The following GRM2 variants were observed in gnomAD, a reference collection of about 807,000 sequenced individuals.
GRM2 encodes metabotropic glutamate receptor 2.
Under a neutral mutation model 60.4 loss-of-function variants are expected in GRM2, and 35 were observed. That is an observed-to-expected ratio of 0.58 (90% CI 0.44 to 0.77). The LOEUF (loss-of-function observed/expected upper bound fraction) is 0.77, where lower values mean the gene tolerates loss of function less well. GRM2 is among the 30% of genes least tolerant of loss of function. GRM2 has a pLI of 0.00. For synonymous variants in GRM2, 437 were observed against 484.1 expected, an observed-to-expected ratio of 0.90 and a Z score of 1.28; for missense variants, 925 against 1,199.5, an observed-to-expected ratio of 0.77 and a Z score of 3.38.
intron 3 of GRM2, chr3:51,714,014 C>G: frequency 2.2e-6 from 1 of 453,310 alleles, no homozygotes; most frequent in Non-Finnish European, 4.4e-6. Context: ...AGAGTGCCAG[C>G]TTTAAGAGAA....
At chr3:51,711,951 A>G (rs775832431) in intron 2 of GRM2, among the ~76,000 whole-genome samples, 32 of 152,228 alleles carry the variant, frequency 2.1e-4, no homozygotes, top group African/African-American at 4.8e-5. Flanking sequence ...CAGGCATTCA[A>G]TGGAGACCAA....
intron 2 of GRM2, among the ~76,000 whole-genome samples, chr3:51,710,820 C>T (rs1019600186): frequency 1.8e-4 from 27 of 152,186 alleles, no homozygotes; most frequent in African/African-American, 6.5e-4. Flanking sequence ...AGGGCTGTGC[C>T]CAGCTGCGAT....
chr3:51,718,157 G>T lies in GRM2; in HGVS notation c.*45G>T. 1 of 1,516,212 alleles carries T rather than the reference G, an allele frequency of 6.6e-7. No individual in the cohort carries two copies. The highest frequency in any genetic ancestry group is 9.2e-7 in the Non-Finnish European group (1 of 1,090,556). The allele number at this position is 1,516,212 out of a possible 1,614,324, so 93.9% of individuals were successfully genotyped here. A position where few individuals can be genotyped will look rare whatever the true frequency, so the allele number is the denominator to read the frequency against. ...TGACACAGCTGCTCCTGGGAACCTA[G>T]TGCAGACCCACGTCCAGGGCCAGGA... On this transcript the variant is annotated 3_prime_UTR_variant, in exon 6 of 6. Transcript: ENST00000395052. This position sits in a 1 kb window ranked among gnomAD's most constrained non-coding sequence, Gnocchi z 4.2.
At position 51,717,851 on chromosome 3, in the gene GRM2, C is replaced by A. The variant is rs1460795166; in HGVS notation, c.2545+34C>A. Reference sequence around the variant, plus strand: ...CCTAAGCAGCCCTCTCTGCCTGTTCCCCTCTCCCTGTCCAGCTCCTTGGGT... The same window carrying A: ...CCTAAGCAGCCCTCTCTGCCTGTTCACCTCTCCCTGTCCAGCTCCTTGGGT... On this transcript the variant is annotated intron_variant, in intron 5 of 5. Transcript: ENST00000395052. This position sits in a 1 kb window ranked among gnomAD's most constrained non-coding sequence, Gnocchi z 6.0. 3.1e-6 allele frequency: 5 copies of A among 1,594,514 alleles called. No homozygotes were observed. The highest frequency in any genetic ancestry group is 4.3e-6 in the Non-Finnish European group (5 of 1,163,206).
chr3:51,717,205 GCA>G lies in GRM2; in HGVS notation c.2365-423_2365-422del, dbSNP rs1375125982. ...ATATCCCACATACACACACTCGCTG[GCA>G]CACACACATATATCTTCCTGACAAA... On this transcript the variant is annotated intron_variant, in intron 4 of 5. Transcript: ENST00000395052. The surrounding 1 kb of genome is among the most constrained non-coding windows in gnomAD (Gnocchi z 6.0). Among the ~76,000 whole-genome samples the G allele has an allele frequency of 6.6e-6, 1 of 151,488 alleles. No individual in the cohort carries two copies. Among genetic ancestry groups the G allele is most frequent in the African/African-American group, 2.4e-5 (1 of 41,200 alleles).
intron 2 of GRM2, among the ~76,000 whole-genome samples, chr3:51,709,694 C>CT (rs113014203): frequency 2.3e-4 from 3 of 13,132 alleles, no homozygotes; most frequent in Admixed American, 6.7e-4. Context: ...ACCCCACACA[C>CT]CCTCACACAC....
chr3:51,709,123 CAGAGG>C lies in GRM2; in HGVS notation c.142_146del (p.Glu48LeufsTer6). The C allele has an allele frequency of 6.2e-7, 1 of 1,612,338 alleles. No individual in the cohort carries two copies. Among genetic ancestry groups the C allele is most frequent in the Non-Finnish European group, 8.5e-7 (1 of 1,179,296 alleles). On this transcript the variant is annotated frameshift_variant, in exon 2 of 6. Coordinates refer to ENST00000395052, the MANE Select transcript of GRM2 (RefSeq NM_000839.5). LOFTEE classifies it high-confidence loss of function. ...CCAGTGCACCAGAAGGGCGGCCCAGCAGAGGACTGTGGTCCTGTCAATGAGCACCG... is the reference window on the plus strand; with the variant it reads ...CCAGTGCACCAGAAGGGCGGCCCAGCACTGTGGTCCTGTCAATGAGCACCG...
Position 51,716,058 on chromosome 3 carries a change from T to C in GRM2, c.2285T>C (p.Ile762Thr), listed in dbSNP as rs1444553813. The C allele has an allele frequency of 3.1e-6, 5 of 1,614,144 alleles. No homozygotes were observed. Among genetic ancestry groups the C allele is most frequent in the Non-Finnish European group, 4.2e-6 (5 of 1,180,062 alleles). The part of the protein sequence containing the change: ...CPENFNEAKF[I>T]GFTMYTTCII... ...GAAAACTTCAACGAGGCCAAGTTCATTGGCTTCACCATGTACACCACCTGC... is the reference window on the plus strand; with the variant it reads ...GAAAACTTCAACGAGGCCAAGTTCACTGGCTTCACCATGTACACCACCTGC... The change falls in exon 4 of 6, where the codon ATT becomes ACT. Residue 762 changes from isoleucine (I) to threonine (T), a missense_variant. Transcript: ENST00000395052. This position sits in a 1 kb window ranked among gnomAD's most constrained non-coding sequence, Gnocchi z 4.0.
Position 51,707,147 on chromosome 3 carries a change from G to A in GRM2, c.-157G>A, listed in dbSNP as rs1377120953. The stretch of plus-strand genomic sequence containing the variant: ...CCCCCGCTCCACTCCGATTCTCTCC[G>A]CGCCAGAGCCAGCGCGCCAGGTAGG... On this transcript the variant is annotated 5_prime_UTR_variant, in exon 1 of 6. Coordinates refer to ENST00000395052, the MANE Select transcript of GRM2 (RefSeq NM_000839.5). The A allele has an allele frequency of 2.0e-5, 3 of 152,426 alleles. No individual in the cohort carries two copies. The highest frequency in any genetic ancestry group is 4.8e-5 in the African/African-American group (2 of 41,430). The allele number at this position is 152,426 out of a possible 1,614,324, so 9.4% of individuals were successfully genotyped here.
chr3:51,710,782 G>A (rs1303803091), intron 2 of GRM2, among the ~76,000 whole-genome samples: 1 of 152,198 alleles, frequency 6.6e-6, no homozygotes, highest in Non-Finnish European at 1.5e-5. Context: ...GAGGCTGCTG[G>A]CCCTGCTGAC....
intron 1 of GRM2, chr3:51,707,949 G>A (rs1158035404): frequency 6.6e-6 from 1 of 152,468 alleles, no homozygotes; most frequent in Non-Finnish European, 1.5e-5. Flanking sequence ...GGGTCTCTGA[G>A]GGCCATGGCT....
chr3:51,712,903 G>T lies in GRM2; in HGVS notation c.881G>T (p.Ser294Ile). 6.2e-7 allele frequency: 1 copy of T among 1,613,076 alleles called. No homozygotes were observed. Among genetic ancestry groups the T allele is most frequent in the Non-Finnish European group, 8.5e-7 (1 of 1,180,030 alleles). Residue 294 changes from serine (S) to isoleucine (I), a missense_variant, in exon 3 of 6, where the codon AGT becomes ATT. Ser to Ile is a moderately radical substitution (Grantham distance 142, BLOSUM62 -2). Coordinates refer to ENST00000395052, the MANE Select transcript of GRM2 (RefSeq NM_000839.5). The surrounding 1 kb of genome is among the most constrained non-coding windows in gnomAD (Gnocchi z 5.3). The part of the protein sequence containing the change: ...RLNASFTWVA[S>I]DGWGALESVV... Reference sequence around the variant, plus strand: ...AATGCCAGCTTCACCTGGGTGGCCAGTGATGGTTGGGGGGCCCTGGAGAGT... The same window carrying T: ...AATGCCAGCTTCACCTGGGTGGCCATTGATGGTTGGGGGGCCCTGGAGAGT...
In GRM2 at chr3:51,718,158, T is replaced by C; in HGVS notation, c.*46T>C. On this transcript the variant is annotated 3_prime_UTR_variant, in exon 6 of 6. Coordinates refer to ENST00000395052, the MANE Select transcript of GRM2 (RefSeq NM_000839.5). The surrounding 1 kb of genome is among the most constrained non-coding windows in gnomAD (Gnocchi z 4.2). ...GACACAGCTGCTCCTGGGAACCTAG[T>C]GCAGACCCACGTCCAGGGCCAGGAG... is the stretch of plus-strand genomic sequence containing the variant. 1 of 1,497,366 alleles carries C rather than the reference T, an allele frequency of 6.7e-7. No homozygotes were observed. 92.8% of individuals were successfully genotyped at this position (1,497,366 alleles called of 1,614,324 possible).
In GRM2 at chr3:51,712,516, A is replaced by G; in HGVS notation, c.494A>G (p.Tyr165Cys). 1 of 1,614,030 alleles carries G rather than the reference A, an allele frequency of 6.2e-7. No individual in the cohort carries two copies. Among genetic ancestry groups the G allele is most frequent in the Non-Finnish European group, 8.5e-7 (1 of 1,179,994 alleles). The change falls in exon 3 of 6, where the codon TAC (tyrosine) becomes TGC (cysteine). Residue 165 changes from tyrosine (Y) to cysteine (C), a missense_variant. By Grantham distance (194) the Tyr-to-Cys change is radical (BLOSUM62 -2). Transcript: ENST00000395052. This position sits in a 1 kb window ranked among gnomAD's most constrained non-coding sequence, Gnocchi z 5.3. ...LRLFQIPQIS[Y>C]ASTSAKLSDK... ...CTATTTCAGATCCCACAGATTAGCT[A>G]CGCCTCTACCAGTGCCAAGCTGAGT...
chr3:51,709,226 C>A lies in GRM2; in HGVS notation c.243C>A (p.Gly81=). The A allele has an allele frequency of 1.1e-5, 18 of 1,608,746 alleles. No individual in the cohort carries two copies. The highest frequency in any genetic ancestry group is 1.7e-5 in the Admixed American group (1 of 59,974). ...RINRDPHLLP[G]VRLGAHILDS... ...ACCGTGACCCGCACCTGCTGCCTGGCGTGCGCCTGGGTGCACACATCCTCG... is the reference window on the plus strand; with the variant it reads ...ACCGTGACCCGCACCTGCTGCCTGGAGTGCGCCTGGGTGCACACATCCTCG... Residue 81 remains glycine (G), a synonymous_variant, in exon 2 of 6, where the codon GGC becomes GGA. Transcript: ENST00000395052.
At position 51,715,292 on chromosome 3, in the gene GRM2, A is replaced by C; in HGVS notation, c.1519A>C (p.Asn507His). The C allele has an allele frequency of 4.3e-6, 7 of 1,611,762 alleles. No homozygotes were observed. Among genetic ancestry groups the C allele is most frequent in the Non-Finnish European group, 5.9e-6 (7 of 1,178,630 alleles). ...ASRCSEPCLQNEVKSVQPGEV... is the reference protein window; with the variant it reads ...ASRCSEPCLQHEVKSVQPGEV... Reference sequence around the variant, plus strand: ...TCGCTGCAGTGAGCCCTGCCTCCAGAATGAGGTGAAGAGTGTGCAGCCGGG... The same window carrying C: ...TCGCTGCAGTGAGCCCTGCCTCCAGCATGAGGTGAAGAGTGTGCAGCCGGG... The change falls in exon 4 of 6, where the codon AAT becomes CAT. Residue 507 changes from asparagine (N) to histidine (H), a missense_variant. Physicochemically the swap from Asn to His is moderately conservative, Grantham distance 68. Coordinates refer to ENST00000395052, the MANE Select transcript of GRM2 (RefSeq NM_000839.5). The surrounding 1 kb of genome is among the most constrained non-coding windows in gnomAD (Gnocchi z 9.0).
In GRM2 at chr3:51,715,926, C is replaced by G. The variant is rs752703391; in HGVS notation, c.2153C>G (p.Thr718Arg). The change falls in exon 4 of 6, where the codon ACA becomes AGA. Residue 718 changes from threonine (T) to arginine (R), a missense_variant. By Grantham distance (71) the Thr-to-Arg change is moderately conservative (BLOSUM62 -1). Coordinates refer to ENST00000395052, the MANE Select transcript of GRM2 (RefSeq NM_000839.5). The surrounding 1 kb of genome is among the most constrained non-coding windows in gnomAD (Gnocchi z 9.0). ...ETAPERREVV[T>R]LRCNHRDASM... ...GCCCCCGAACGGCGGGAGGTGGTGA[C>G]ACTGCGCTGCAACCACCGCGATGCA... 6.2e-7 allele frequency: 1 copy of G among 1,613,594 alleles called. No individual in the cohort carries two copies. Among genetic ancestry groups the G allele is most frequent in the African/African-American group, 1.3e-5 (1 of 74,918 alleles).
Position 51,717,529 on chromosome 3 carries a change from T to C in GRM2, c.2365-108T>C. On this transcript the variant is annotated intron_variant, in intron 4 of 5. Coordinates refer to ENST00000395052, the MANE Select transcript of GRM2 (RefSeq NM_000839.5). The surrounding 1 kb of genome is among the most constrained non-coding windows in gnomAD (Gnocchi z 6.0). ...ATCCGGCAAATGGACCACAGCCCAG[T>C]GTTGGATGCTTAGTCTCCCCCACTC... 1.2e-6 allele frequency: 1 copy of C among 831,928 alleles called. No individual in the cohort carries two copies. Among genetic ancestry groups the C allele is most frequent in the East Asian group, 2.5e-5 (1 of 39,782 alleles). 51.5% of individuals were successfully genotyped at this position (831,928 alleles called of 1,614,324 possible).
rs1703977006 is a variant in GRM2 at position 51,718,352 on chromosome 3, G to A, written c.*240G>A. 1.8e-6 allele frequency: 1 copy of A among 550,514 alleles called. No individual in the cohort carries two copies. Among genetic ancestry groups the A allele is most frequent in the African/African-American group, 1.9e-5 (1 of 52,814 alleles). The allele number at this position is 550,514 out of a possible 1,614,324, so 34.1% of individuals were successfully genotyped here. ...TTGTAGCTGTGTTTCCTCCTGGCCA[G>A]GCCCAGGGCTCAGAGAGGAGCAAGC... On this transcript the variant is annotated 3_prime_UTR_variant, in exon 6 of 6. Coordinates refer to ENST00000395052, the MANE Select transcript of GRM2 (RefSeq NM_000839.5). The surrounding 1 kb of genome is among the most constrained non-coding windows in gnomAD (Gnocchi z 4.2).
Sources: gnomAD v4.1 joint callset for allele counts (sites outside exome capture counted in the v4.1 genomes callset) on GRCh38, gnomAD v4.1.1 for gene constraint, Gnocchi (gnomAD v3.1) non-coding constraint, MANE v1.5 for transcripts, NCBI Gene and HGNC (gene_info 2026-07-23, HGNC 2026-07-21) for gene names.